Variants in GRIN2A observed in about 807,000 individuals in gnomAD.
The protein encoded by GRIN2A is glutamate ionotropic receptor NMDA type subunit 2A.
In GRIN2A, 22 loss-of-function variants were observed where a neutral mutation model predicts 113.4. The observed-to-expected ratio is 0.19, with a 90% CI of 0.14 to 0.28. The LOEUF is 0.28. Among genes scored for constraint, GRIN2A ranks in the 10% least tolerant of loss-of-function variants. GRIN2A has a pLI of 1.00. For synonymous variants in GRIN2A, 827 were observed against 738.4 expected (o/e 1.12, Z -1.94); for missense variants, 1,502 against 1,887.0 (o/e 0.80, Z 3.78).
At chr16:9,919,977 A>T (rs1359892616) in intron 3 of GRIN2A, among the ~76,000 whole-genome samples, 1 of 152,226 alleles carries the variant, frequency 6.6e-6, no homozygotes, top group Non-Finnish European at 1.5e-5. Context: ...TGTCTAAAAT[A>T]ACCATCCTTC....
At chr16:10,054,137 G>A (rs372732893) in intron 2 of GRIN2A, among the ~76,000 whole-genome samples, 1 of 151,988 alleles carries the variant, frequency 6.6e-6, no homozygotes, top group South Asian at 2.1e-4. Flanking sequence ...TATCCTACGT[G>A]GATAAAGCAG....
At chr16:10,015,184 C>T (rs1461998529) in intron 2 of GRIN2A, among the ~76,000 whole-genome samples, 6 of 126,140 alleles carry the variant, frequency 4.8e-5, no homozygotes, top group Non-Finnish European at 6.3e-5. Context: ...AACCGGGAGG[C>T]GGAGGTCGCA....
chr16:9,793,365 C>A (rs1010476633), intron 11 of GRIN2A, among the ~76,000 whole-genome samples: 3 of 152,106 alleles, frequency 2.0e-5, no homozygotes, highest in Admixed American at 6.5e-5. Context: ...TATGGTCTTT[C>A]TTCTGCTTCT....
At chr16:10,046,199 T>C (rs1272005480) in intron 2 of GRIN2A, among the ~76,000 whole-genome samples, 1 of 152,154 alleles carries the variant, frequency 6.6e-6, no homozygotes, top group African/African-American at 2.4e-5. Context: ...TTTTGAGAAA[T>C]GTTCTCTCAC....
At chr16:9,781,130 G>A (rs1456849822) in intron 11 of GRIN2A, among the ~76,000 whole-genome samples, 1 of 152,058 alleles carries the variant, frequency 6.6e-6, no homozygotes, top group Non-Finnish European at 1.5e-5. Context: ...ACAGGAATGA[G>A]TGTGGTTGTG....
intron 2 of GRIN2A, among the ~76,000 whole-genome samples, chr16:9,958,250 G>A (rs987960337): frequency 3.9e-5 from 6 of 152,120 alleles, no homozygotes; most frequent in African/African-American, 1.2e-4. Context: ...ATAACATCCA[G>A]CCTGACCTGA....
At chr16:9,863,422 A>C (rs1033544766) in intron 4 of GRIN2A, among the ~76,000 whole-genome samples, 3 of 152,076 alleles carry the variant, frequency 2.0e-5, no homozygotes, top group Non-Finnish European at 4.4e-5. Context: ...TGACAGTTTT[A>C]CTTCTTCCAT....
chr16:9,800,960 G>A (rs979709079), intron 10 of GRIN2A, among the ~76,000 whole-genome samples: 1 of 152,192 alleles, frequency 6.6e-6, no homozygotes, highest in African/African-American at 2.4e-5. Flanking sequence ...GAACACTGGA[G>A]TAGTAGGTGA....
chr16:10,156,807 T>C (rs1348439884), intron 2 of GRIN2A, among the ~76,000 whole-genome samples: 1 of 152,188 alleles, frequency 6.6e-6, no homozygotes, highest in East Asian at 1.9e-4. Context: ...CCTTATTTCA[T>C]TCGATCCTAA....
intron 2 of GRIN2A, among the ~76,000 whole-genome samples, chr16:10,109,575 G>C (rs141306296): frequency 6.6e-6 from 1 of 150,734 alleles, no homozygotes; most frequent in Admixed American, 6.6e-5. Flanking sequence ...TTATAACCAA[G>C]TACGTTCACA....
chr16:9,992,079 A>G (rs1208373195), intron 2 of GRIN2A, among the ~76,000 whole-genome samples: 3 of 152,232 alleles, frequency 2.0e-5, no homozygotes, highest in Non-Finnish European at 4.4e-5. Context: ...ATTAAAAACA[A>G]AAAAGATAAG....
chr16:10,068,462 G>A lies in GRIN2A; in HGVS notation c.414+111536C>T, dbSNP rs2047690466. Among the ~76,000 whole-genome samples the A allele has an allele frequency of 2.0e-5, 3 of 152,188 alleles. No individual in the cohort carries two copies. The South Asian group carries it at 6.2e-4, about 32-fold the overall frequency. ...CATCACATGGCCAGAGCAGGAGAGA[G>A]TAAGTCTTGGGGGGAAGTGCTATAC... On this transcript the variant is annotated intron_variant, in intron 2 of 12. Coordinates refer to ENST00000330684, the MANE Select transcript of GRIN2A (RefSeq NM_001134407.3).
chr16:9,882,505 G>C (rs2043500928), intron 4 of GRIN2A, among the ~76,000 whole-genome samples: 1 of 152,170 alleles, frequency 6.6e-6, no homozygotes, highest in African/African-American at 2.4e-5. Context: ...AAATAGAAGG[G>C]GCCGGGTGCG....
chr16:10,152,989 CTG>C (rs1464357714), intron 2 of GRIN2A, among the ~76,000 whole-genome samples: 2 of 152,218 alleles, frequency 1.3e-5, no homozygotes, highest in Admixed American at 1.3e-4. Flanking sequence ...TGAAATTACT[CTG>C]TATGTCACTA....
intron 2 of GRIN2A, among the ~76,000 whole-genome samples, chr16:9,965,148 A>G (rs2045527224): frequency 6.6e-6 from 1 of 152,206 alleles, no homozygotes. Context: ...TAATAAAGTA[A>G]GACTTCTTCA....
intron 2 of GRIN2A, among the ~76,000 whole-genome samples, chr16:9,982,705 T>C (rs1459436073): frequency 6.6e-6 from 1 of 152,212 alleles, no homozygotes; most frequent in African/African-American, 2.4e-5. Context: ...AGCTGTTCCA[T>C]CTTTGGCCAG....
chr16:9,905,758 G>T (rs112446699), intron 3 of GRIN2A, among the ~76,000 whole-genome samples: 619 of 152,228 alleles, frequency 4.1e-3, no homozygotes, highest in African/African-American at 0.013. Flanking sequence ...ATACAAGGGG[G>T]AGGGGTGCAC....
intron 2 of GRIN2A, among the ~76,000 whole-genome samples, chr16:10,165,123 G>A (rs892075486): frequency 3.3e-5 from 5 of 152,080 alleles, no homozygotes; most frequent in Non-Finnish European, 7.4e-5. Flanking sequence ...GTTAAACAAG[G>A]TATTGGTTTT....
rs1463174549 is a variant in GRIN2A at position 9,771,002 on chromosome 16, C to G, written c.2357-1913G>C. 2.0e-5 allele frequency among the ~76,000 whole-genome samples: 3 copies of G among 152,182 alleles called. No individual in the cohort carries two copies. In the East Asian group the frequency reaches 5.8e-4, roughly 29 times the overall value. On this transcript the variant is annotated intron_variant, in intron 11 of 12. Coordinates refer to ENST00000330684, the MANE Select transcript of GRIN2A (RefSeq NM_001134407.3). ...TTCAGCTTTGTAGGAAACTGCCAAACTTTCTTCCAAAGTGGCTGTACTATT... is the reference window on the plus strand; with the variant it reads ...TTCAGCTTTGTAGGAAACTGCCAAAGTTTCTTCCAAAGTGGCTGTACTATT...
Sources: allele counts gnomAD v4.1 joint callset (sites outside exome capture counted in the v4.1 genomes callset), GRCh38; gene constraint gnomAD v4.1.1; transcripts MANE v1.5; gene names NCBI Gene and HGNC (gene_info 2026-07-23, HGNC 2026-07-21).